DNAJC1: variants seen among roughly 807,000 people sequenced by gnomAD.
DNAJC1 encodes DnaJ heat shock protein family (Hsp40) member C1.
A neutral mutation model predicts 76.6 loss-of-function variants in DNAJC1; 58 were observed. The observed-to-expected ratio is 0.76, with a 90% confidence interval of 0.61 to 0.94. The LOEUF (loss-of-function observed/expected upper bound fraction) is 0.94. DNAJC1 is among the 40% of genes least tolerant of loss of function. DNAJC1 has a pLI of 0.00. For synonymous variants in DNAJC1, 258 were observed against 267.9 expected (o/e 0.96, Z 0.36); for missense variants, 689 against 677.3 (o/e 1.02, Z -0.19).
chr10:21,954,982 C>A (rs1006060375), intron 1 of DNAJC1, among the ~76,000 whole-genome samples: 1 of 152,140 alleles, frequency 6.6e-6, no homozygotes, highest in Admixed American at 6.5e-5. Context: ...ATTGACATTT[C>A]TGAACCAGGT....
chr10:22,001,632 A>G (rs1838520221), intron 1 of DNAJC1, among the ~76,000 whole-genome samples: 1 of 152,244 alleles, frequency 6.6e-6, no homozygotes, highest in Admixed American at 6.5e-5. Flanking sequence ...TGAAAATTCT[A>G]TGAGTGTTCA....
At chr10:21,770,944 TAA>T (rs1834368984) in intron 9 of DNAJC1, among the ~76,000 whole-genome samples, 1 of 152,186 alleles carries the variant, frequency 6.6e-6, no homozygotes, top group South Asian at 2.1e-4. Context: ...CAGGAAGACT[TAA>T]GAGTTCCAAA....
rs186939056 is a variant in DNAJC1, at chr10:21,885,948, A to G, written c.821-3509T>C. Among the ~76,000 whole-genome samples the G allele has an allele frequency of 2.6e-5, 4 of 152,310 alleles. No homozygotes were observed. The East Asian group carries it at 7.7e-4, about 29-fold the overall frequency. On this transcript the variant is annotated intron_variant, in intron 7 of 11. Transcript: ENST00000376980. The stretch of plus-strand genomic sequence containing the variant: ...GAATTAGAGAAGCAAGAACAAATCA[A>G]CTGCAAAGATAGCAGGAGACAAAAC...
At chr10:21,949,412 T>TA (rs1564835972) in intron 1 of DNAJC1, among the ~76,000 whole-genome samples, 1 of 76,384 alleles carries the variant, frequency 1.3e-5, no homozygotes, top group African/African-American at 5.7e-5. Context: ...CCCCTTCTTC[T>TA]TTTTTTTTTT....
In DNAJC1 at chr10:21,998,867, T is replaced by C. The variant is rs80197168; in HGVS notation, c.222+4346A>G. Among the ~76,000 whole-genome samples, 16 of 152,348 alleles carry C rather than the reference T, an allele frequency of 1.1e-4. No individual in the cohort carries two copies. The East Asian group carries it at 1.4e-3, about 13-fold the overall frequency. ...TTGCATTTAGTTACAATGTTTATAA[T>C]GTTTGATTCAATAAATATTTAGGTG... On this transcript the variant is annotated intron_variant, in intron 1 of 11. Coordinates refer to ENST00000376980, the MANE Select transcript of DNAJC1 (RefSeq NM_022365.4).
At chr10:21,966,688 T>TTC (rs1837895682) in intron 1 of DNAJC1, among the ~76,000 whole-genome samples, 2 of 8,896 alleles carry the variant, frequency 2.2e-4, no homozygotes, top group Non-Finnish European at 3.6e-4. Context: ...CTTCTTCTTC[T>TTC]TTTTTTTTTT....
chr10:21,970,822 A>G (rs540887168), intron 1 of DNAJC1, among the ~76,000 whole-genome samples: 1 of 152,060 alleles, frequency 6.6e-6, no homozygotes, highest in East Asian at 1.9e-4. Context: ...CTTTAATCAT[A>G]CCCTAATTTT....
intron 5 of DNAJC1, among the ~76,000 whole-genome samples, 171 bp downstream of exon 5, chr10:21,919,661 G>C (rs1196589097): frequency 6.6e-6 from 1 of 151,898 alleles, no homozygotes; most frequent in Non-Finnish European, 1.5e-5. Context: ...AAGACATTTT[G>C]CTTAAGATTA....
chr10:21,833,985 C>T (rs1279648061), intron 8 of DNAJC1, among the ~76,000 whole-genome samples: 1 of 151,688 alleles, frequency 6.6e-6, no homozygotes, highest in African/African-American at 2.4e-5. Flanking sequence ...GTTCCCCAGG[C>T]CAGGTGCGGT....
At chr10:21,858,430 A>G (rs1835872578) in intron 8 of DNAJC1, among the ~76,000 whole-genome samples, 1 of 152,228 alleles carries the variant, frequency 6.6e-6, no homozygotes, top group African/African-American at 2.4e-5. Context: ...ACTTTAAAAG[A>G]CCTTTCTTTT....
intron 1 of DNAJC1, among the ~76,000 whole-genome samples, chr10:21,963,148 T>A (rs914550226): frequency 2.0e-5 from 3 of 152,302 alleles, no homozygotes; most frequent in Non-Finnish European, 4.4e-5. Flanking sequence ...AAAGTCAATT[T>A]AATCAAATAC....
At chr10:21,904,449 A>T in intron 7 of DNAJC1, 73 bp downstream of exon 7, 1 of 1,025,140 alleles carries the variant, frequency 9.8e-7, no homozygotes. Flanking sequence ...TTACTGCTGA[A>T]TTTAAAAGAT....
chr10:21,908,260 T>C (rs1464780106), intron 6 of DNAJC1, among the ~76,000 whole-genome samples: 3 of 114,360 alleles, frequency 2.6e-5, no homozygotes, highest in Admixed American at 2.4e-4. Flanking sequence ...AGAAAATATA[T>C]ATATATATTT....
At chr10:21,792,005 A>G (rs1338945396) in intron 9 of DNAJC1, among the ~76,000 whole-genome samples, 2 of 152,328 alleles carry the variant, frequency 1.3e-5, no homozygotes, top group East Asian at 3.9e-4. Context: ...AAAAACATGG[A>G]TAGTTCACCC....
intron 9 of DNAJC1, among the ~76,000 whole-genome samples, chr10:21,792,042 CA>C (rs1026699228): frequency 1.3e-5 from 2 of 150,488 alleles, no homozygotes; most frequent in Admixed American, 6.6e-5. Context: ...AATCTGTGGT[CA>C]AAAAAAAATC....
At chr10:21,876,320 C>A (rs914057803) in intron 8 of DNAJC1, among the ~76,000 whole-genome samples, 3 of 151,952 alleles carry the variant, frequency 2.0e-5, no homozygotes, top group Non-Finnish European at 4.4e-5. Flanking sequence ...CCATGTTGCC[C>A]AGGCTGGTCT....
chr10:21,769,941 C>T (rs1326940553), intron 9 of DNAJC1, among the ~76,000 whole-genome samples: 1 of 152,190 alleles, frequency 6.6e-6, no homozygotes, highest in Non-Finnish European at 1.5e-5. Flanking sequence ...CCACCTCGGC[C>T]TCCCAAAGTG....
At chr10:21,980,665 T>C (rs1838140841) in intron 1 of DNAJC1, among the ~76,000 whole-genome samples, 1 of 152,160 alleles carries the variant, frequency 6.6e-6, no homozygotes, top group Non-Finnish European at 1.5e-5. Context: ...AGTGTTAATG[T>C]CCTGGTTTTT....
In DNAJC1 at chr10:21,955,063, C is replaced by T. The variant is rs186994948; in HGVS notation, c.223-25922G>A. 3.0e-4 allele frequency among the ~76,000 whole-genome samples: 46 copies of T among 152,310 alleles called. No individual in the cohort carries two copies. In the East Asian group the frequency reaches 7.3e-3, roughly 24 times the overall value. ...GCAGCACCCCACCAGATGCCAGTAG[C>T]ATTACCCACTCCCAGCCCCCCAGTT... On this transcript the variant is annotated intron_variant, in intron 1 of 11. Transcript: ENST00000376980.
Sources: gnomAD v4.1 joint callset for allele counts (sites outside exome capture counted in the v4.1 genomes callset) on GRCh38, gnomAD v4.1.1 for gene constraint, MANE v1.5 for transcripts, NCBI Gene and HGNC (gene_info 2026-07-23, HGNC 2026-07-21) for gene names.